PPARD: variants seen among roughly 807,000 people sequenced by gnomAD.
PPARD encodes the protein peroxisome proliferator activated receptor delta.
PPARD carries 6 observed loss-of-function variants against 39.5 expected under a neutral mutation model. The observed-to-expected ratio is 0.15, with a 90% CI of 0.08 to 0.30. The LOEUF (loss-of-function observed/expected upper bound fraction) is 0.30, where lower values mean the gene tolerates loss of function less well. Ranked by LOEUF, PPARD falls within the 10% of genes least tolerant of loss-of-function variation. PPARD has a pLI of 1.00. For synonymous variants in PPARD, 210 were observed against 231.3 expected, an observed-to-expected ratio of 0.91 and a Z score of 0.83; for missense variants, 397 against 596.8, an observed-to-expected ratio of 0.67 and a Z score of 3.49.
intron 2 of PPARD, among the ~76,000 whole-genome samples, chr6:35,370,927 C>T (rs1762450990): frequency 6.6e-6 from 1 of 152,170 alleles, no homozygotes; most frequent in Non-Finnish European, 1.5e-5. Flanking sequence ...CAGCTGGCTG[C>T]TCATTCTTTT....
At chr6:35,355,748 A>C (rs1248677692) in intron 2 of PPARD, among the ~76,000 whole-genome samples, 1 of 150,552 alleles carries the variant, frequency 6.6e-6, no homozygotes, top group East Asian at 2.0e-4. Flanking sequence ...AGTAGCTGGG[A>C]CTACAGGCGC....
chr6:35,353,909 A>G (rs946647056), intron 2 of PPARD, among the ~76,000 whole-genome samples: 4 of 152,174 alleles, frequency 2.6e-5, no homozygotes, highest in Non-Finnish European at 4.4e-5. Flanking sequence ...ACAGTCCCCA[A>G]CTTATGATGG....
rs200910320 is a variant in PPARD, at chr6:35,424,791, T to C, written c.1078+12T>C. ...CATTCTGTGTGGAGGTGAGTGAGAG[T>C]GGGGCAGGTGGGCTGGCCTGGCACA... On this transcript the variant is annotated intron_variant, in intron 7 of 7. Coordinates refer to ENST00000360694, the MANE Select transcript of PPARD (RefSeq NM_006238.5). This position sits in a 1 kb window ranked among gnomAD's most constrained non-coding sequence, Gnocchi z 7.1. 6.2e-7 allele frequency: 1 copy of C among 1,609,616 alleles called. No individual in the cohort carries two copies. The highest frequency in any genetic ancestry group is 1.1e-5 in the South Asian group (1 of 90,844).
At chr6:35,384,385 G>A (rs1763424097) in intron 2 of PPARD, among the ~76,000 whole-genome samples, 1 of 134,764 alleles carries the variant, frequency 7.4e-6, no homozygotes, top group Admixed American at 7.0e-5. Context: ...GCCCCTACTG[G>A]GAAGTGAGGA....
chr6:35,411,057 C>T lies in PPARD; in HGVS notation c.-31C>T. 2.0e-6 allele frequency: 3 copies of T among 1,479,166 alleles called. No individual in the cohort carries two copies. Among genetic ancestry groups the T allele is most frequent in the Non-Finnish European group, 2.7e-6 (3 of 1,109,586 alleles). 91.6% of individuals were successfully genotyped at this position (1,479,166 alleles called of 1,614,324 possible). A position where few individuals can be genotyped will look rare whatever the true frequency, so the allele number is the denominator to read the frequency against. On this transcript the variant is annotated 5_prime_UTR_variant, in exon 3 of 8. Transcript: ENST00000360694. ...GACGATGCCAGAGCTATGACTGGGC[C>T]TGCAGGTGTGGCGCCGAGGGGAGAT...
In PPARD at chr6:35,425,102, G is replaced by A. The variant is rs201979666; in HGVS notation, c.1078+323G>A. On this transcript the variant is annotated intron_variant, in intron 7 of 7. Coordinates refer to ENST00000360694, the MANE Select transcript of PPARD (RefSeq NM_006238.5). This position sits in a 1 kb window ranked among gnomAD's most constrained non-coding sequence, Gnocchi z 4.5. ...AGCCTGGCCAACATGGTGAAACCCCGTCTCTACTAAAAATACAAAAAATTA... is the reference window on the plus strand; with the variant it reads ...AGCCTGGCCAACATGGTGAAACCCCATCTCTACTAAAAATACAAAAAATTA... 4.7e-5 allele frequency: 43 copies of A among 909,912 alleles called. No individual in the cohort carries two copies. The highest frequency in any genetic ancestry group is 9.9e-4 in the Middle Eastern group (2 of 2,018). The allele number at this position is 909,912 out of a possible 1,614,324, so 56.4% of individuals were successfully genotyped here.
chr6:35,368,275 A>G (rs1762306959), intron 2 of PPARD, among the ~76,000 whole-genome samples: 2 of 152,310 alleles, frequency 1.3e-5, no homozygotes, highest in South Asian at 4.1e-4. Flanking sequence ...CCAGACATGC[A>G]TGGAATTTCC....
chr6:35,413,518 A>C (rs901979540), intron 3 of PPARD, among the ~76,000 whole-genome samples: 2 of 152,174 alleles, frequency 1.3e-5, no homozygotes, highest in Non-Finnish European at 2.9e-5. Flanking sequence ...CAGTAAGACA[A>C]ATACGAATGG....
intron 2 of PPARD, among the ~76,000 whole-genome samples, chr6:35,383,906 C>T (rs1460023132): frequency 4.2e-5 from 6 of 144,148 alleles, no homozygotes; most frequent in African/African-American, 8.6e-5. Flanking sequence ...GGAGCGTCTC[C>T]GCCCGGCAGC....
Position 35,398,995 on chromosome 6 carries a change from G to A in PPARD, c.-101-11992G>A, listed in dbSNP as rs908491303. On this transcript the variant is annotated intron_variant, in intron 2 of 7. Transcript: ENST00000360694. ...CCGGGCGTGGTGACGCATGTCTGTA[G>A]TCCCAGCTATGGGAGTCTGAGGTGG... Among the ~76,000 whole-genome samples, 3 of 152,056 alleles carry A rather than the reference G, an allele frequency of 2.0e-5. No individual in the cohort carries two copies. The East Asian group carries it at 5.8e-4, about 29-fold the overall frequency.
chr6:35,397,012 C>T (rs984471785), intron 2 of PPARD, among the ~76,000 whole-genome samples: 13 of 152,146 alleles, frequency 8.5e-5, no homozygotes, highest in African/African-American at 1.9e-4. Flanking sequence ...TGACCTTGAA[C>T]CTTCCCTGAG....
chr6:35,386,976 GAAAC>G (rs1184584451), intron 2 of PPARD, among the ~76,000 whole-genome samples: 1 of 149,826 alleles, frequency 6.7e-6, no homozygotes, highest in Non-Finnish European at 1.5e-5. Flanking sequence ...GGAGGTGGGG[GAAAC>G]CTGCTTTCCC....
intron 2 of PPARD, among the ~76,000 whole-genome samples, chr6:35,397,131 C>G (rs1300819567): frequency 6.6e-6 from 1 of 152,014 alleles, no homozygotes; most frequent in African/African-American, 2.4e-5. Context: ...ATCTTTCGCC[C>G]TGAAAATATA....
chr6:35,373,757 T>A (rs991827467), intron 2 of PPARD, among the ~76,000 whole-genome samples: 6 of 151,890 alleles, frequency 4.0e-5, no homozygotes, highest in African/African-American at 1.4e-4. Context: ...AGCCCTGACC[T>A]CCCCAACTCA....
intron 2 of PPARD, among the ~76,000 whole-genome samples, chr6:35,359,892 T>A (rs1367188987): frequency 6.6e-6 from 1 of 152,128 alleles, no homozygotes; most frequent in Non-Finnish European, 1.5e-5. Context: ...GAGCTGGGAT[T>A]TGAACCCAAG....
At chr6:35,360,860 G>A (rs550940816) in intron 2 of PPARD, among the ~76,000 whole-genome samples, 1 of 152,198 alleles carries the variant, frequency 6.6e-6, no homozygotes, top group Non-Finnish European at 1.5e-5. Context: ...GTGCAGGGAT[G>A]GCGCTAGAAA....
At position 35,428,134 on chromosome 6, in the gene PPARD, A is replaced by G. The variant is rs1442333717; in HGVS notation, c.*2055A>G. ...CCTGTGTTTTTAATATAAATAGTGTACACAGACTGACGAAACTTTAAATAA... is the reference window on the plus strand; with the variant it reads ...CCTGTGTTTTTAATATAAATAGTGTGCACAGACTGACGAAACTTTAAATAA... On this transcript the variant is annotated 3_prime_UTR_variant, in exon 8 of 8. Transcript: ENST00000360694. 1 of 152,650 alleles carries G rather than the reference A, an allele frequency of 6.6e-6. No homozygotes were observed. Among genetic ancestry groups the G allele is most frequent in the East Asian group, 1.9e-4 (1 of 5,198 alleles). The allele number at this position is 152,650 out of a possible 1,614,324, so 9.5% of individuals were successfully genotyped here.
At chr6:35,373,996 TGGGCACTG>T (rs2150552556) in intron 2 of PPARD, among the ~76,000 whole-genome samples, 1 of 152,248 alleles carries the variant, frequency 6.6e-6, no homozygotes, top group East Asian at 1.9e-4. Flanking sequence ...AGGTCAAGAT[TGGGCACTG>T]GGTAACTGAT....
At position 35,345,066 on chromosome 6, in the gene PPARD, G is replaced by A. The variant is rs914217227; in HGVS notation, c.-185-2001G>A. Among the ~76,000 whole-genome samples the A allele has an allele frequency of 3.9e-5, 6 of 152,122 alleles. No homozygotes were observed. The South Asian group carries it at 6.2e-4, about 16-fold the overall frequency. On this transcript the variant is annotated intron_variant, in intron 1 of 7. Coordinates refer to ENST00000360694, the MANE Select transcript of PPARD (RefSeq NM_006238.5). The stretch of plus-strand genomic sequence containing the variant: ...TTTGAGCAGTTTGTTACTTCTGGCC[G>A]TGCTTACCCCTTAGTAGTGCTCTCT...
Sources: allele counts gnomAD v4.1 joint callset (sites outside exome capture counted in the v4.1 genomes callset), GRCh38; gene constraint gnomAD v4.1.1; non-coding constraint Gnocchi (gnomAD v3.1); transcripts MANE v1.5; gene names NCBI Gene and HGNC (gene_info 2026-07-23, HGNC 2026-07-21).